Variants in HERC1 observed in about 807,000 individuals in gnomAD.
The protein encoded by HERC1 is probable E3 ubiquitin-protein ligase HERC1.
Under a neutral mutation model 554.3 loss-of-function variants are expected in HERC1, and 160 were observed. That is an observed-to-expected ratio of 0.29 (90% confidence interval 0.25 to 0.33). HERC1 has a LOEUF of 0.33. HERC1 is among the 10% of genes least tolerant of loss of function. HERC1 has a pLI of 1.00. For missense variants in HERC1, 4,919 were observed against 5,918.5 expected (o/e 0.83, Z 5.54); for synonymous variants, 2,175 against 2,131.7 (o/e 1.02, Z -0.56).
chr15:63,817,540 C>T (rs1055337770), intron 1 of HERC1, among the ~76,000 whole-genome samples: 26 of 152,148 alleles, frequency 1.7e-4, no homozygotes, highest in Admixed American at 2.6e-4. Flanking sequence ...CATGACAAAA[C>T]CGCATCTCTA....
intron 39 of HERC1, among the ~76,000 whole-genome samples, chr15:63,670,406 G>A (rs1238413949): frequency 6.6e-6 from 1 of 152,164 alleles, no homozygotes; most frequent in Non-Finnish European, 1.5e-5. Flanking sequence ...TTGTCCAAAA[G>A]AACTAGGAAC....
chr15:63,624,909 C>A (rs1254922090), intron 71 of HERC1, among the ~76,000 whole-genome samples: 1 of 152,120 alleles, frequency 6.6e-6, no homozygotes, highest in Non-Finnish European at 1.5e-5. Context: ...TAGAGATGCC[C>A]CATTAATAAT....
At chr15:63,806,494 C>T (rs62020832) in intron 1 of HERC1, among the ~76,000 whole-genome samples, 9 of 152,106 alleles carry the variant, frequency 5.9e-5, no homozygotes, top group South Asian at 2.1e-4. Flanking sequence ...TTATTATTTG[C>T]GTACCTGTCT....
intron 14 of HERC1, among the ~76,000 whole-genome samples, chr15:63,730,146 T>C (rs978614407): frequency 6.8e-6 from 1 of 146,158 alleles, no homozygotes; most frequent in African/African-American, 2.5e-5. Context: ...TACTTCTATT[T>C]GTTTTTTCCA....
chr15:63,802,008 T>G (rs1033709184), intron 1 of HERC1, among the ~76,000 whole-genome samples: 4 of 152,162 alleles, frequency 2.6e-5, no homozygotes, highest in Non-Finnish European at 4.4e-5. Context: ...TACCAACCCA[T>G]GTCTCCCCCA....
At chr15:63,805,949 AAAAAAAAAAAACAAAC>A (rs1013880533) in intron 1 of HERC1, among the ~76,000 whole-genome samples, 5 of 242 alleles carry the variant, frequency 0.021, no homozygotes, top group Non-Finnish European at 0.065. Context: ...TCTCAAAACA[AAAAAAAAAAAACAAAC>A]AAAACCCAAT....
intron 1 of HERC1, among the ~76,000 whole-genome samples, chr15:63,829,525 A>ATT (rs2078068326): frequency 1.6e-5 from 2 of 122,414 alleles, no homozygotes; most frequent in Non-Finnish European, 3.3e-5. Context: ...TATAAATAAT[A>ATT]TGTGTGCACA....
At chr15:63,698,452 A>T (rs551596476) in intron 26 of HERC1, among the ~76,000 whole-genome samples, 3 of 150,286 alleles carry the variant, frequency 2.0e-5, no homozygotes, top group Admixed American at 1.3e-4. Flanking sequence ...CTGATGACCT[A>T]TTGTCATCAA....
intron 67 of HERC1, 125 bp from the exon 68 acceptor site, chr15:63,632,936 C>T: frequency 1.5e-6 from 1 of 652,886 alleles, no homozygotes; most frequent in Non-Finnish European, 2.6e-6. Context: ...ACCTGTTCGA[C>T]CCAAATCCAA....
At position 63,647,426 on chromosome 15, in the gene HERC1, T is replaced by C. The variant is rs180959993; in HGVS notation, c.10878+643A>G. Reference sequence around the variant, plus strand: ...TGAATGTAAATTAGTACAAACTCTATAGAAAACAGTATGGGGATTTCTCAA... The same window carrying C: ...TGAATGTAAATTAGTACAAACTCTACAGAAAACAGTATGGGGATTTCTCAA... On this transcript the variant is annotated intron_variant, in intron 55 of 77. Coordinates refer to ENST00000443617, the MANE Select transcript of HERC1 (RefSeq NM_003922.4). Among the ~76,000 whole-genome samples the C allele has an allele frequency of 1.2e-3, 182 of 152,154 alleles. 1 individual carries two copies. The highest frequency in any genetic ancestry group is 4.2e-3 in the African/African-American group (174 of 41,530).
intron 1 of HERC1, among the ~76,000 whole-genome samples, chr15:63,792,898 G>A (rs1372774520): frequency 6.6e-6 from 1 of 152,168 alleles, no homozygotes; most frequent in Non-Finnish European, 1.5e-5. Flanking sequence ...CTGTGCTTCT[G>A]ACCAACTAGC....
In HERC1 at chr15:63,656,062, G is replaced by A. The variant is rs199679380; in HGVS notation, c.9870+26C>T. On this transcript the variant is annotated intron_variant, in intron 49 of 77. Coordinates refer to ENST00000443617, the MANE Select transcript of HERC1 (RefSeq NM_003922.4). Reference sequence around the variant, plus strand: ...ATCAGTCAGAAATAATCAATGTAACGGGGAAAAGTACTGAAAGTAGCTTAC... The same window carrying A: ...ATCAGTCAGAAATAATCAATGTAACAGGGAAAAGTACTGAAAGTAGCTTAC... 1,216 of 1,606,310 alleles carry A rather than the reference G, an allele frequency of 7.6e-4. 9 individuals are homozygous for A. In the African/African-American group the frequency reaches 0.012, roughly 16 times the overall value.
At chr15:63,723,158 C>A in intron 19 of HERC1, 24 bp downstream of exon 19, 1 of 1,360,068 alleles carries the variant, frequency 7.4e-7, no homozygotes, top group Non-Finnish European at 9.6e-7. Flanking sequence ...TACAAATTTA[C>A]TCCCTTTATC....
At chr15:63,726,426 T>C (rs2074042821) in intron 17 of HERC1, among the ~76,000 whole-genome samples, 1 of 152,142 alleles carries the variant, frequency 6.6e-6, no homozygotes, top group South Asian at 2.1e-4. Context: ...ATGGATAAGT[T>C]ATCTAAAAGG....
chr15:63,615,850 T>A lies in HERC1; in HGVS notation c.14012A>T (p.Asn4671Ile). 6.2e-7 allele frequency: 1 copy of A among 1,607,690 alleles called. No individual in the cohort carries two copies. Among genetic ancestry groups the A allele is most frequent in the Non-Finnish European group, 8.5e-7 (1 of 1,177,446 alleles). The change falls in exon 76 of 78, where the codon AAT (asparagine) becomes ATT (isoleucine). Residue 4671 changes from asparagine to isoleucine, a missense_variant. Coordinates refer to ENST00000443617, the MANE Select transcript of HERC1 (RefSeq NM_003922.4). The stretch of plus-strand genomic sequence containing the variant: ...GTTGGAAAATGTGAGTGGGATACTA[T>A]TTCCACCAGGGATTATAGGAACCAT... The part of the protein sequence containing the change: ...GKMVPIIPGG[N>I]SIPLTFSNRK...
At position 63,651,180 on chromosome 15, in the gene HERC1, G is replaced by C. The variant is rs1163658242; in HGVS notation, c.10546+73C>G. On this transcript the variant is annotated intron_variant, in intron 53 of 77. Coordinates refer to ENST00000443617, the MANE Select transcript of HERC1 (RefSeq NM_003922.4). Reference sequence around the variant, plus strand: ...TCAAGGTGAAGAGAAACCACTGTTTGGACTCAGAAGACTAAGAAGAAGGCT... The same window carrying C: ...TCAAGGTGAAGAGAAACCACTGTTTCGACTCAGAAGACTAAGAAGAAGGCT... 2.9e-6 allele frequency: 4 copies of C among 1,384,016 alleles called. No individual in the cohort carries two copies. The East Asian group carries it at 9.2e-5, about 32-fold the overall frequency. 85.7% of individuals were successfully genotyped at this position (1,384,016 alleles called of 1,614,324 possible).
At chr15:63,785,689 C>T (rs1253003279) in intron 1 of HERC1, among the ~76,000 whole-genome samples, 3 of 151,750 alleles carry the variant, frequency 2.0e-5, no homozygotes, top group East Asian at 1.9e-4. Flanking sequence ...TGATCCCTTG[C>T]GCTCAGGAGG....
chr15:63,670,264 C>A (rs2070840898), intron 39 of HERC1, among the ~76,000 whole-genome samples: 1 of 152,124 alleles, frequency 6.6e-6, no homozygotes, highest in South Asian at 2.1e-4. Flanking sequence ...GGGGAGGCAG[C>A]CCCTTCTCCG....
At chr15:63,748,687 C>T (rs973783207) in intron 10 of HERC1, among the ~76,000 whole-genome samples, 1 of 152,060 alleles carries the variant, frequency 6.6e-6, no homozygotes, top group Non-Finnish European at 1.5e-5. Context: ...AGAGGAATAA[C>T]TATTGATAAA....
Sources: allele counts gnomAD v4.1 joint callset (sites outside exome capture counted in the v4.1 genomes callset), GRCh38; gene constraint gnomAD v4.1.1; transcripts MANE v1.5; gene names NCBI Gene and HGNC (gene_info 2026-07-23, HGNC 2026-07-21).